Variants in ARB2A observed in about 807,000 individuals in gnomAD.
ARB2A encodes cotranscriptional regulator ARB2A.
the ARB2A span, among the ~76,000 whole-genome samples, chr5:94,092,604 G>A: frequency 1.3e-5 from 2 of 151,918 alleles, no homozygotes; most frequent in African/African-American, 4.8e-5. Context: ...TTTCAGTTCT[G>A]TAAGTAAAAA....
the ARB2A span, among the ~76,000 whole-genome samples, chr5:93,680,120 G>A: frequency 5.9e-5 from 9 of 152,070 alleles, no homozygotes; most frequent in Admixed American, 4.6e-4. Context: ...CATACACATC[G>A]ACACACTTTC....
At chr5:93,997,422 C>G in the ARB2A span, among the ~76,000 whole-genome samples, 2 of 152,082 alleles carry the variant, frequency 1.3e-5, no homozygotes, top group Non-Finnish European at 2.9e-5. Context: ...TCAGTATACC[C>G]TCAACTAGTT....
the ARB2A span, among the ~76,000 whole-genome samples, chr5:93,726,741 A>G: frequency 1.3e-5 from 2 of 152,052 alleles, no homozygotes; most frequent in Admixed American, 6.6e-5. Flanking sequence ...GAGTACAGTA[A>G]CTGAAATGAG....
chr5:94,095,234 T>C, the ARB2A span, among the ~76,000 whole-genome samples: 1 of 152,140 alleles, frequency 6.6e-6, no homozygotes, highest in Non-Finnish European at 1.5e-5. Context: ...AAGACTGTAA[T>C]AGACACAGCC....
chr5:93,691,770 C>T, the ARB2A span, among the ~76,000 whole-genome samples: 1 of 151,896 alleles, frequency 6.6e-6, no homozygotes, highest in Non-Finnish European at 1.5e-5. Context: ...TTAAGGTAGC[C>T]AGAGAGAAAG....
At chr5:93,958,868 A>C in the ARB2A span, 2 of 1,609,798 alleles carry the variant, frequency 1.2e-6, no homozygotes, top group Non-Finnish European at 8.5e-7. Flanking sequence ...TGCCCTGACA[A>C]CACCACTACC....
At chr5:93,821,553 T>G in the ARB2A span, among the ~76,000 whole-genome samples, 1 of 152,188 alleles carries the variant, frequency 6.6e-6, no homozygotes, top group South Asian at 2.1e-4. Context: ...TGAAAAGTCC[T>G]GAAAAATTGC....
the ARB2A span, among the ~76,000 whole-genome samples, chr5:93,906,120 T>C: frequency 2.2e-3 from 332 of 151,686 alleles, 1 homozygote; most frequent in African/African-American, 6.7e-3. Context: ...TTTTCTGTTT[T>C]ACATTTCATA....
the ARB2A span, among the ~76,000 whole-genome samples, chr5:94,064,512 C>T: frequency 6.6e-6 from 1 of 152,128 alleles, no homozygotes; most frequent in Non-Finnish European, 1.5e-5. Context: ...CAATCAAATA[C>T]AATGTAAAAA....
At chr5:93,781,540 G>A in the ARB2A span, among the ~76,000 whole-genome samples, 5 of 151,936 alleles carry the variant, frequency 3.3e-5, no homozygotes, top group African/African-American at 9.7e-5. Flanking sequence ...ATTTTGCTTC[G>A]GGTAGATACC....
At chr5:94,060,358 A>G in the ARB2A span, among the ~76,000 whole-genome samples, 2 of 152,194 alleles carry the variant, frequency 1.3e-5, no homozygotes, top group East Asian at 1.9e-4. Flanking sequence ...TCTCAAAAAA[A>G]AAGAACAAGA....
chr5:93,942,941 C>T, the ARB2A span, among the ~76,000 whole-genome samples: 1 of 152,018 alleles, frequency 6.6e-6, no homozygotes, highest in Non-Finnish European at 1.5e-5. Flanking sequence ...TTTATGAACA[C>T]ACATATATAC....
At chr5:93,921,001 G>A in the ARB2A span, among the ~76,000 whole-genome samples, 5 of 152,002 alleles carry the variant, frequency 3.3e-5, no homozygotes, top group Non-Finnish European at 7.4e-5. Context: ...GACTCATGAA[G>A]TGCCACTAGT....
chr5:94,053,513 T>A, the ARB2A span, among the ~76,000 whole-genome samples: 2 of 152,178 alleles, frequency 1.3e-5, no homozygotes, highest in Non-Finnish European at 2.9e-5. Context: ...AATTTGTACC[T>A]TATTAACCTC....
the ARB2A span, among the ~76,000 whole-genome samples, chr5:93,912,145 G>A: frequency 9.9e-5 from 15 of 151,678 alleles, no homozygotes; most frequent in East Asian, 2.7e-3. Context: ...ATTAATTGAT[G>A]AATTTTTCAT....
the ARB2A span, among the ~76,000 whole-genome samples, chr5:93,623,154 C>A: frequency 1.3e-5 from 2 of 150,582 alleles, no homozygotes; most frequent in Admixed American, 6.7e-5. Context: ...CACAGTTGCA[C>A]TTATAATGGT....
chr5:93,684,938 TGAAGTG>T, the ARB2A span, among the ~76,000 whole-genome samples: 1 of 152,212 alleles, frequency 6.6e-6, no homozygotes, highest in African/African-American at 2.4e-5. Flanking sequence ...TGCTGTACGT[TGAAGTG>T]TTATAGTGAG....
the ARB2A span, among the ~76,000 whole-genome samples, chr5:93,780,541 C>T: frequency 7.1e-6 from 1 of 141,460 alleles, no homozygotes; most frequent in African/African-American, 2.8e-5. Flanking sequence ...CCATCTCCTC[C>T]CCTCCCCTCC....
chr5:93,818,232 A>C, the ARB2A span, among the ~76,000 whole-genome samples: 1 of 152,168 alleles, frequency 6.6e-6, no homozygotes, highest in African/African-American at 2.4e-5. Flanking sequence ...GAACCCTCAT[A>C]CACTGCTGGC....
Sources: allele counts gnomAD v4.1 joint callset (sites outside exome capture counted in the v4.1 genomes callset), GRCh38; gene constraint gnomAD v4.1.1; transcripts MANE v1.5; gene names NCBI Gene and HGNC (gene_info 2026-07-23, HGNC 2026-07-21).